Variants in SEC14L6 observed in about 807,000 individuals in gnomAD.
SEC14L6 encodes the protein SEC14 like lipid binding 6.
In SEC14L6, 40 loss-of-function variants were observed where a neutral mutation model predicts 54.1. That is an observed-to-expected ratio of 0.74 (90% CI 0.57 to 0.96). The LOEUF is 0.96. Among genes scored for constraint, SEC14L6 ranks in the 40% least tolerant of loss-of-function variants. The pLI, the probability that SEC14L6 is intolerant of heterozygous loss-of-function variation, is 0.00. For missense variants in SEC14L6, 471 were observed against 498.3 expected, an observed-to-expected ratio of 0.95 and a Z score of 0.52; for synonymous variants, 171 against 198.4, an observed-to-expected ratio of 0.86 and a Z score of 1.16.
chr22:30,537,999 C>T (rs369308187), intron 2 of SEC14L6, among the ~76,000 whole-genome samples: 5 of 152,248 alleles, frequency 3.3e-5, no homozygotes, highest in African/African-American at 1.2e-4. Context: ...CAGTTCCCTC[C>T]CACACTGAGC....
chr22:30,527,858 G>T, intron 8 of SEC14L6, among the ~76,000 whole-genome samples: 1 of 150,624 alleles, frequency 6.6e-6, no homozygotes, highest in Non-Finnish European at 1.5e-5. Flanking sequence ...CTACTCATTT[G>T]TTCCTAATAA....
At chr22:30,531,493 GGCGGGC>G (rs1936971061) in intron 6 of SEC14L6, among the ~76,000 whole-genome samples, 1 of 152,166 alleles carries the variant, frequency 6.6e-6, no homozygotes, top group Non-Finnish European at 1.5e-5. Flanking sequence ...GGGAGGCCAA[GGCGGGC>G]AGATCACCTG....
chr22:30,541,323 A>G (rs1391679101), intron 1 of SEC14L6, among the ~76,000 whole-genome samples: 4 of 152,218 alleles, frequency 2.6e-5, no homozygotes, highest in Non-Finnish European at 5.9e-5. Context: ...CAGCTTTATT[A>G]AGGTATGAAT....
chr22:30,524,939 G>A lies in SEC14L6; in HGVS notation c.*58C>T. On this transcript the variant is annotated 3_prime_UTR_variant, in exon 12 of 12. Coordinates refer to ENST00000402034, the MANE Select transcript of SEC14L6 (RefSeq NM_001193336.4). Reference sequence around the variant, plus strand: ...GAACAGGGTCTGGCCAGGGAAGGCTGTGAACTCATTGTGGATTCAGAGATC... The same window carrying A: ...GAACAGGGTCTGGCCAGGGAAGGCTATGAACTCATTGTGGATTCAGAGATC... The A allele has an allele frequency of 4.5e-6, 4 of 894,628 alleles. No individual in the cohort carries two copies. The highest frequency in any genetic ancestry group is 2.8e-5 in the South Asian group (2 of 70,664). The allele number at this position is 894,628 out of a possible 1,614,324, so 55.4% of individuals were successfully genotyped here.
Position 30,543,439 on chromosome 22 carries a change from G to A in SEC14L6, c.54+3190C>T, listed in dbSNP as rs1430325086. On this transcript the variant is annotated intron_variant, in intron 1 of 11. Coordinates refer to ENST00000402034, the MANE Select transcript of SEC14L6 (RefSeq NM_001193336.4). Reference sequence around the variant, plus strand: ...ACTACAGTTGACCTGGTTGGAGAACGGCAATGTGTCCCGGACAGAAACGGC... The same window carrying A: ...ACTACAGTTGACCTGGTTGGAGAACAGCAATGTGTCCCGGACAGAAACGGC... The A allele has an allele frequency of 1.1e-5, 17 of 1,610,972 alleles. No individual in the cohort carries two copies. The Admixed American group carries it at 1.5e-4, about 14-fold the overall frequency.
At chr22:30,531,392 G>A (rs1370191347) in intron 6 of SEC14L6, among the ~76,000 whole-genome samples, 1 of 150,258 alleles carries the variant, frequency 6.7e-6, no homozygotes, top group Non-Finnish European at 1.5e-5. Flanking sequence ...GGGTGACAGA[G>A]CAAGACTCTG....
intron 1 of SEC14L6, among the ~76,000 whole-genome samples, chr22:30,544,692 CA>C (rs1384417891): frequency 6.6e-6 from 1 of 152,164 alleles, no homozygotes; most frequent in Non-Finnish European, 1.5e-5. Context: ...GGACTGGAGA[CA>C]AAACCCTCCG....
At chr22:30,543,441 C>G (rs1300211349) in intron 1 of SEC14L6, 1 of 1,611,166 alleles carries the variant, frequency 6.2e-7, no homozygotes, top group African/African-American at 1.3e-5. Context: ...TGGAGAACGG[C>G]AATGTGTCCC....
At chr22:30,540,552 C>CA (rs1391817788) in intron 1 of SEC14L6, among the ~76,000 whole-genome samples, 2 of 151,696 alleles carry the variant, frequency 1.3e-5, no homozygotes, top group Non-Finnish European at 2.9e-5. Flanking sequence ...CTCATTACCA[C>CA]AAAAAATACA....
chr22:30,545,936 T>C (rs956770151), intron 1 of SEC14L6, among the ~76,000 whole-genome samples: 3 of 152,034 alleles, frequency 2.0e-5, no homozygotes, highest in Non-Finnish European at 4.4e-5. Flanking sequence ...GTTCAAACGA[T>C]TCTCCTGCCA....
chr22:30,533,101 C>T, intron 3 of SEC14L6: 1 of 985,338 alleles, frequency 1.0e-6, no homozygotes, highest in Non-Finnish European at 1.2e-6. Context: ...AGCTGTCTCC[C>T]CCTGCATCCT....
rs1419435974 is a variant in SEC14L6, at chr22:30,545,416, A to T, written c.54+1213T>A. Among the ~76,000 whole-genome samples the T allele has an allele frequency of 2.0e-5, 3 of 151,756 alleles. No homozygotes were observed. The South Asian group carries it at 6.2e-4, about 32-fold the overall frequency. On this transcript the variant is annotated intron_variant, in intron 1 of 11. Coordinates refer to ENST00000402034, the MANE Select transcript of SEC14L6 (RefSeq NM_001193336.4). ...AACACTCATTTTTTTTTTTTTTGAA[A>T]CAGGGTCTAGCTCTGTTGCCCAGGC...
At chr22:30,530,101 G>T (rs970401683) in intron 6 of SEC14L6, among the ~76,000 whole-genome samples, 2 of 152,010 alleles carry the variant, frequency 1.3e-5, no homozygotes, top group African/African-American at 4.8e-5. Flanking sequence ...AATAGGGAAT[G>T]GTTTTTTTTA....
At position 30,524,763 on chromosome 22, in the gene SEC14L6, G is replaced by T. The variant is rs187789726; in HGVS notation, c.*234C>A. The stretch of plus-strand genomic sequence containing the variant: ...GGTTTTTGCTGAGCTTGAGGTCACA[G>T]CAGGTCATAGTGGGGATGGAGTGTC... On this transcript the variant is annotated 3_prime_UTR_variant, in exon 12 of 12. Coordinates refer to ENST00000402034, the MANE Select transcript of SEC14L6 (RefSeq NM_001193336.4). The T allele has an allele frequency of 1.1e-5, 5 of 465,578 alleles. No individual in the cohort carries two copies. Among genetic ancestry groups the T allele is most frequent in the African/African-American group, 9.8e-5 (5 of 51,158 alleles). 28.8% of individuals were successfully genotyped at this position (465,578 alleles called of 1,614,324 possible).
intron 1 of SEC14L6, 118 bp downstream of exon 1, chr22:30,546,511 G>A: frequency 1.1e-6 from 1 of 894,496 alleles, no homozygotes; most frequent in Non-Finnish European, 1.7e-6. Flanking sequence ...GCCCCTCAGG[G>A]TTGGGAAGAG....
Position 30,538,820 on chromosome 22 carries a change from T to A in SEC14L6, c.130+7A>T. The A allele has an allele frequency of 6.4e-7, 1 of 1,551,374 alleles. No homozygotes were observed. The highest frequency in any genetic ancestry group is 8.7e-7 in the Non-Finnish European group (1 of 1,145,184). On this transcript the variant is annotated splice_region_variant and intron_variant, in intron 2 of 11. Coordinates refer to ENST00000402034, the MANE Select transcript of SEC14L6 (RefSeq NM_001193336.4). The stretch of plus-strand genomic sequence containing the variant: ...GACCCTACCCCAGCCCCACGCTCTA[T>A]CCTTACCTTGGAGCCAGCGCAGGAG...
chr22:30,525,701 A>C lies in SEC14L6; in HGVS notation c.821T>G (p.Val274Gly), dbSNP rs1274097335. Reference sequence around the variant, plus strand: ...CCTCGTGTGCTCATACTGCAGCCTCACCTGCTTGCACAGGTAGTAGCTCTT... The same window carrying C: ...CCTCGTGTGCTCATACTGCAGCCTCCCCTGCTTGCACAGGTAGTAGCTCTT... ...VPKSYYLCKQ[V>G]RLQYEHTRSV... Residue 274 changes from valine to glycine, a missense_variant, in exon 10 of 12, where the codon GTG (valine) becomes GGG (glycine). By Grantham distance (109) the Val-to-Gly change is moderately radical. Coordinates refer to ENST00000402034, the MANE Select transcript of SEC14L6 (RefSeq NM_001193336.4). 2 of 1,613,548 alleles carry C rather than the reference A, an allele frequency of 1.2e-6. No homozygotes were observed. The highest frequency in any genetic ancestry group is 4.5e-5 in the East Asian group (2 of 44,868).
At chr22:30,526,802 A>G (rs536311536) in intron 8 of SEC14L6, among the ~76,000 whole-genome samples, 12 of 152,224 alleles carry the variant, frequency 7.9e-5, no homozygotes, top group Non-Finnish European at 1.3e-4. Context: ...TGCCACAAAT[A>G]TGACAGGAAA....
At chr22:30,533,585 A>T (rs2146270466) in intron 3 of SEC14L6, among the ~76,000 whole-genome samples, 1 of 131,852 alleles carries the variant, frequency 7.6e-6, no homozygotes, top group Admixed American at 8.2e-5. Flanking sequence ...TGGGTGACAG[A>T]GCAAGACTGT....
Sources: gnomAD v4.1 joint callset for allele counts (sites outside exome capture counted in the v4.1 genomes callset) on GRCh38, gnomAD v4.1.1 for gene constraint, MANE v1.5 for transcripts, NCBI Gene and HGNC (gene_info 2026-07-23, HGNC 2026-07-21) for gene names.